The following DDX60 variants were observed in gnomAD, a reference collection of about 807,000 sequenced individuals.
DDX60 encodes the protein DExD/H-box helicase 60.
DDX60 carries 165 observed loss-of-function variants against 212.8 expected under a neutral mutation model. The ratio of observed to expected loss-of-function variants is 0.78; its 90% confidence interval spans 0.68 to 0.88. The LOEUF is 0.88. Ranked by LOEUF, DDX60 falls within the 40% of genes least tolerant of loss-of-function variation. The pLI, the probability that DDX60 is intolerant of heterozygous loss-of-function variation, is 0.00. For missense variants in DDX60, 1,905 were observed against 2,003.9 expected (o/e 0.95, Z 0.94); for synonymous variants, 703 against 685.3 (o/e 1.03, Z -0.40).
chr4:168,284,195 G>GATGA, intron 12 of DDX60, among the ~76,000 whole-genome samples: 1 of 152,242 alleles, frequency 6.6e-6, no homozygotes, highest in Non-Finnish European at 1.5e-5. Context: ...GCATGTTAAT[G>GATGA]GTTCATCTAA....
chr4:168,253,417 G>T (rs185901056), intron 26 of DDX60, among the ~76,000 whole-genome samples: 1 of 152,082 alleles, frequency 6.6e-6, no homozygotes, highest in Admixed American at 6.6e-5. Context: ...CAGCTGCTTT[G>T]AGTTGGGTTG....
intron 26 of DDX60, among the ~76,000 whole-genome samples, chr4:168,255,404 T>C (rs1464213046): frequency 2.6e-5 from 4 of 152,206 alleles, no homozygotes; most frequent in African/African-American, 9.6e-5. Flanking sequence ...AGAGTTCATA[T>C]ATGTATCAAA....
chr4:168,271,318 G>T (rs1035207896), intron 19 of DDX60, among the ~76,000 whole-genome samples: 1 of 152,090 alleles, frequency 6.6e-6, no homozygotes, highest in African/African-American at 2.4e-5. Context: ...TCGTCAAAAG[G>T]ACTCTTATGA....
chr4:168,309,029 A>G (rs2149552231), intron 3 of DDX60, among the ~76,000 whole-genome samples: 1 of 152,290 alleles, frequency 6.6e-6, no homozygotes, highest in African/African-American at 2.4e-5. Flanking sequence ...AGTTGAGAGA[A>G]GTGTAAACAA....
chr4:168,306,846 G>A (rs1229585485), intron 4 of DDX60, 126 bp from the exon 5 acceptor site: 2 of 699,878 alleles, frequency 2.9e-6, no homozygotes, highest in Non-Finnish European at 4.7e-6. Context: ...GATGGTCGGG[G>A]AATAGACCCC....
At chr4:168,264,833 G>A (rs891245425) in intron 22 of DDX60, among the ~76,000 whole-genome samples, 3 of 152,158 alleles carry the variant, frequency 2.0e-5, no homozygotes, top group Non-Finnish European at 4.4e-5. Context: ...ACTACACAGT[G>A]ACTAATGATC....
At chr4:168,220,123 T>C (rs1187499536) in intron 37 of DDX60, among the ~76,000 whole-genome samples, 2 of 152,042 alleles carry the variant, frequency 1.3e-5, no homozygotes, top group Non-Finnish European at 2.9e-5. Flanking sequence ...GGTACCCACA[T>C]AAAGTTTGGT....
chr4:168,316,535 T>C (rs1474760250), intron 1 of DDX60, among the ~76,000 whole-genome samples: 1 of 151,994 alleles, frequency 6.6e-6, no homozygotes, highest in Non-Finnish European at 1.5e-5. Flanking sequence ...TGAAAAAAAA[T>C]AATGGTTTAT....
At chr4:168,267,524 A>C in intron 22 of DDX60, 58 bp downstream of exon 22, 1 of 756,180 alleles carries the variant, frequency 1.3e-6, no homozygotes, top group Non-Finnish European at 1.9e-6. Flanking sequence ...GCATTTATTT[A>C]TAATATATAC....
chr4:168,314,714 T>C (rs1737290156), intron 1 of DDX60, among the ~76,000 whole-genome samples: 1 of 152,154 alleles, frequency 6.6e-6, no homozygotes, highest in African/African-American at 2.4e-5. Context: ...TATCCAGGAA[T>C]AAGTCAATAA....
chr4:168,252,638 T>C lies in DDX60; in HGVS notation c.3576A>G (p.Lys1192=), dbSNP rs1734261585. 6.2e-7 allele frequency: 1 copy of C among 1,610,070 alleles called. No individual in the cohort carries two copies. The highest frequency in any genetic ancestry group is 1.1e-5 in the South Asian group (1 of 89,880). ...GGCTTTGATCCACATTTCTGGTTTT[T>C]TTCTGGCTCTTTTCATCTCTGTTCA... ...KQKIIDEKSQ[K]KTRNVDQSLI... The change falls in exon 27 of 38, where the codon AAA becomes AAG. Residue 1192 remains lysine, a synonymous_variant. Transcript: ENST00000393743.
Position 168,273,410 on chromosome 4 carries a change from A to G in DDX60, c.2455-12T>C, listed in dbSNP as rs773380306. 3.1e-6 allele frequency: 5 copies of G among 1,613,208 alleles called. No individual in the cohort carries two copies. In the East Asian group the frequency reaches 1.1e-4, roughly 36 times the overall value. The stretch of plus-strand genomic sequence containing the variant: ...TGATTAACAAGGGCCTGATTGACAA[A>G]GAAAAAGATCCATTAGTCACATAAT... On this transcript the variant is annotated splice_polypyrimidine_tract_variant and intron_variant, in intron 17 of 37. Coordinates refer to ENST00000393743, the MANE Select transcript of DDX60 (RefSeq NM_017631.6).
chr4:168,248,193 T>C lies in DDX60; in HGVS notation c.3958A>G (p.Arg1320Gly). Residue 1320 changes from arginine to glycine, a missense_variant, in exon 29 of 38, where the codon AGA becomes GGA. Arg to Gly is a moderately radical substitution (Grantham distance 125). Coordinates refer to ENST00000393743, the MANE Select transcript of DDX60 (RefSeq NM_017631.6). Reference sequence around the variant, plus strand: ...GTTTATGCATTTTGCAATACCTGTCTATAATTCAACGCATCCAGATAGACT... The same window carrying C: ...GTTTATGCATTTTGCAATACCTGTCCATAATTCAACGCATCCAGATAGACT... Reference protein sequence around the residue: ...NSVYLDALNYRQMSGRAGRRG... With the variant: ...NSVYLDALNYGQMSGRAGRRG... 1 of 1,602,562 alleles carries C rather than the reference T, an allele frequency of 6.2e-7. No individual in the cohort carries two copies. Among genetic ancestry groups the C allele is most frequent in the Non-Finnish European group, 8.5e-7 (1 of 1,175,796 alleles).
intron 20 of DDX60, among the ~76,000 whole-genome samples, chr4:168,268,237 G>T (rs1734936240): frequency 6.6e-6 from 1 of 152,124 alleles, no homozygotes; most frequent in South Asian, 2.1e-4. Flanking sequence ...TTGGAACTGT[G>T]ACTATTTAAT....
Position 168,285,376 on chromosome 4 carries a change from A to G in DDX60, c.1445+17T>C. 6.9e-7 allele frequency: 1 copy of G among 1,450,108 alleles called. No homozygotes were observed. The allele number at this position is 1,450,108 out of a possible 1,614,324, so 89.8% of individuals were successfully genotyped here. Reference sequence around the variant, plus strand: ...TCCACACAAGTATTTATTGAGGCACAGTTTTTGGCCTTATACCTCTTTAGA... The same window carrying G: ...TCCACACAAGTATTTATTGAGGCACGGTTTTTGGCCTTATACCTCTTTAGA... On this transcript the variant is annotated intron_variant, in intron 11 of 37. Coordinates refer to ENST00000393743, the MANE Select transcript of DDX60 (RefSeq NM_017631.6).
chr4:168,220,510 G>T, intron 37 of DDX60, 145 bp downstream of exon 37: 1 of 534,524 alleles, frequency 1.9e-6, no homozygotes, highest in Non-Finnish European at 3.3e-6. Flanking sequence ...ACATTCTGCA[G>T]AGCCTTTGGG....
the DDX60 span, among the ~76,000 whole-genome samples, chr4:168,325,621 T>A: frequency 1.4e-5 from 2 of 142,090 alleles, no homozygotes; most frequent in Non-Finnish European, 3.1e-5. Context: ...GTACACTCCA[T>A]CTGTGATATA....
chr4:168,275,401 C>G lies in DDX60; in HGVS notation c.2248G>C (p.Asp750His). Residue 750 changes from aspartate (D) to histidine (H), a missense_variant, in exon 16 of 38, where the codon GAT (aspartate) becomes CAT (histidine). Asp to His is a moderately conservative substitution (Grantham distance 81, BLOSUM62 -1). Coordinates refer to ENST00000393743, the MANE Select transcript of DDX60 (RefSeq NM_017631.6). ...CTGGGATCTGGGTCTTTTCTCTCAT[C>G]TCGTATCAAATAATGGCCCATGTAT... is the stretch of plus-strand genomic sequence containing the variant. ...LQYMGHYLIR[D>H]ERKDPDPRVQ... 6.2e-7 allele frequency: 1 copy of G among 1,612,930 alleles called. No individual in the cohort carries two copies. The highest frequency in any genetic ancestry group is 8.5e-7 in the Non-Finnish European group (1 of 1,179,438).
intron 20 of DDX60, 126 bp downstream of exon 20, chr4:168,268,728 G>T: frequency 1.9e-6 from 1 of 533,124 alleles, no homozygotes; most frequent in Non-Finnish European, 3.1e-6. Flanking sequence ...GTTTCTTGAA[G>T]ATTCAGAAAT....
Sources: gnomAD v4.1 joint callset for allele counts (sites outside exome capture counted in the v4.1 genomes callset) on GRCh38, gnomAD v4.1.1 for gene constraint, MANE v1.5 for transcripts, NCBI Gene and HGNC (gene_info 2026-07-23, HGNC 2026-07-21) for gene names.